ITPR2: variants seen among roughly 807,000 people sequenced by gnomAD.
ITPR2 encodes inositol 1,4,5-trisphosphate-gated calcium channel ITPR2.
Under a neutral mutation model 317.1 loss-of-function variants are expected in ITPR2, and 207 were observed. The ratio of observed to expected loss-of-function variants is 0.65; its 90% confidence interval spans 0.58 to 0.73. The LOEUF is 0.73. ITPR2 is among the 30% of genes least tolerant of loss of function. The probability of loss-of-function intolerance (pLI) is 0.00; values close to 1 mark genes in which losing one functional copy is unlikely to be tolerated. For missense variants in ITPR2, 2,613 were observed against 3,284.0 expected (o/e 0.80, Z 4.99); for synonymous variants, 1,156 against 1,149.1 (o/e 1.01, Z -0.12).
chr12:26,450,585 G>A (rs1941714158), intron 45 of ITPR2, among the ~76,000 whole-genome samples: 1 of 152,162 alleles, frequency 6.6e-6, no homozygotes, highest in South Asian at 2.1e-4. Context: ...TGTGGTCTCA[G>A]CCAGAAAATA....
chr12:26,655,152 A>T (rs1453539925), intron 20 of ITPR2, among the ~76,000 whole-genome samples: 11 of 152,124 alleles, frequency 7.2e-5, no homozygotes, highest in African/African-American at 2.4e-4. Context: ...CCATAGAGAT[A>T]AAAAAAAGTA....
intron 2 of ITPR2, among the ~76,000 whole-genome samples, chr12:26,787,451 A>G (rs2137204793): frequency 6.6e-6 from 1 of 152,366 alleles, no homozygotes; most frequent in African/African-American, 2.4e-5. Context: ...AGTGAATAAT[A>G]TGAGACCAAG....
rs182365818 is a variant in ITPR2, at chr12:26,534,452, C to T, written c.5073+15795G>A. Among the ~76,000 whole-genome samples, 4 of 152,164 alleles carry T rather than the reference C, an allele frequency of 2.6e-5. No homozygotes were observed. The East Asian group carries it at 7.7e-4, about 29-fold the overall frequency. On this transcript the variant is annotated intron_variant, in intron 37 of 56. Coordinates refer to ENST00000381340, the MANE Select transcript of ITPR2 (RefSeq NM_002223.4). ...AAGATGTAAAGAAATCTCTTCTATT[C>T]TAAATATAAATTTCACATGATCTAG...
intron 45 of ITPR2, among the ~76,000 whole-genome samples, chr12:26,463,095 A>G (rs773693999): frequency 2.0e-5 from 3 of 152,146 alleles, no homozygotes; most frequent in Non-Finnish European, 4.4e-5. Context: ...TAGTGATCTG[A>G]CCTAAGTATT....
chr12:26,694,578 T>A (rs1024530236), intron 10 of ITPR2, among the ~76,000 whole-genome samples: 2 of 152,148 alleles, frequency 1.3e-5, no homozygotes, highest in Admixed American at 1.3e-4. Flanking sequence ...ACCCATGTGT[T>A]CCTGATGGTC....
At chr12:26,800,767 G>T (rs550490531) in intron 1 of ITPR2, 2 of 152,334 alleles carry the variant, frequency 1.3e-5, no homozygotes, top group South Asian at 4.1e-4. Flanking sequence ...GGATAGAGAA[G>T]ATACAAAAGA....
At chr12:26,672,763 T>C (rs1947812320) in intron 13 of ITPR2, among the ~76,000 whole-genome samples, 4 of 151,952 alleles carry the variant, frequency 2.6e-5, no homozygotes, top group Admixed American at 2.6e-4. Context: ...ATCCAGGAGC[T>C]GGTTTTTTGA....
intron 37 of ITPR2, among the ~76,000 whole-genome samples, chr12:26,544,318 T>C (rs1262406227): frequency 1.3e-5 from 2 of 152,124 alleles, no homozygotes; most frequent in Admixed American, 6.6e-5. Context: ...AATTTAGAAA[T>C]TGTACTCAAG....
chr12:26,660,418 C>T (rs1290490245), intron 15 of ITPR2, among the ~76,000 whole-genome samples: 1 of 152,234 alleles, frequency 6.6e-6, no homozygotes, highest in Admixed American at 6.5e-5. Flanking sequence ...TGCCATGGGA[C>T]TGGTGAGCTT....
At chr12:26,531,736 A>G (rs758266046) in intron 37 of ITPR2, among the ~76,000 whole-genome samples, 1 of 152,114 alleles carries the variant, frequency 6.6e-6, no homozygotes, top group Non-Finnish European at 1.5e-5. Flanking sequence ...CAGTCAGTGA[A>G]GTACCCCACC....
chr12:26,653,383 AG>A (rs926589208), intron 21 of ITPR2, among the ~76,000 whole-genome samples: 2 of 151,754 alleles, frequency 1.3e-5, no homozygotes, highest in African/African-American at 4.8e-5. Flanking sequence ...CTGGAATTAC[AG>A]GCACACGCCA....
rs1022890487 is a variant in ITPR2, at chr12:26,338,603, C to A, written c.*794G>T. ...ATAGCATACATATGGTCTCAAAAAA[C>A]CCTTTCCTGGGGCTTACTGTTGGCT... On this transcript the variant is annotated 3_prime_UTR_variant, in exon 57 of 57. Transcript: ENST00000381340. 2 of 152,152 alleles carry A rather than the reference C, an allele frequency of 1.3e-5. 1 individual carries two copies. Among genetic ancestry groups the A allele is most frequent in the South Asian group, 4.1e-4 (2 of 4,828 alleles). 9.4% of individuals were successfully genotyped at this position (152,152 alleles called of 1,614,324 possible). A position where few individuals can be genotyped will look rare whatever the true frequency, so the allele number is the denominator to read the frequency against.
At chr12:26,602,800 A>G (rs1215350425) in intron 26 of ITPR2, 94 bp from the exon 27 acceptor site, 1 of 548,164 alleles carries the variant, frequency 1.8e-6, no homozygotes. Flanking sequence ...TTTTGTAATT[A>G]TTTTGTAATA....
intron 55 of ITPR2, among the ~76,000 whole-genome samples, chr12:26,369,845 G>A (rs1019695618): frequency 3.9e-5 from 6 of 152,100 alleles, no homozygotes; most frequent in Non-Finnish European, 4.4e-5. Flanking sequence ...GAGTACAAGG[G>A]GGCTGAGACT....
Position 26,432,209 on chromosome 12 carries a change from A to G in ITPR2, c.6769+4012T>C, listed in dbSNP as rs547237219. On this transcript the variant is annotated intron_variant, in intron 48 of 56. Transcript: ENST00000381340. ...TCCTTCTTCTGAACCAGGGTCACACATGGGATTCAGTTGTCACGTCTCTTT... is the reference window on the plus strand; with the variant it reads ...TCCTTCTTCTGAACCAGGGTCACACGTGGGATTCAGTTGTCACGTCTCTTT... 3.3e-5 allele frequency among the ~76,000 whole-genome samples: 5 copies of G among 150,942 alleles called. No individual in the cohort carries two copies. In the East Asian group the frequency reaches 9.7e-4, roughly 29 times the overall value.
At chr12:26,587,027 T>A (rs1214703041) in intron 32 of ITPR2, among the ~76,000 whole-genome samples, 3 of 151,498 alleles carry the variant, frequency 2.0e-5, no homozygotes, top group Non-Finnish European at 4.4e-5. Context: ...ATTAATATAT[T>A]ATATATGCAA....
intron 34 of ITPR2, among the ~76,000 whole-genome samples, chr12:26,568,056 T>C (rs1945061005): frequency 7.1e-6 from 1 of 141,842 alleles, no homozygotes; most frequent in Non-Finnish European, 1.5e-5. Flanking sequence ...TGAACTAGAA[T>C]GTATTCTTGG....
In ITPR2 at chr12:26,656,491, G is replaced by A. The variant is rs1947370667; in HGVS notation, c.2250C>T (p.Asn750=). 1 of 1,614,208 alleles carries A rather than the reference G, an allele frequency of 6.2e-7. No homozygotes were observed. ...CTACAGACAGCTGTGTAGAAATCTG[G>A]TTTATGGCCAGATACTGGCGATCCA... ...MCLDRQYLAI[N]QISTQLSVDL... is the part of the protein sequence containing the mutation. Residue 750 remains asparagine, a synonymous_variant, in exon 19 of 57, where the codon AAC becomes AAT. Transcript: ENST00000381340.
At chr12:26,509,811 A>T (rs1943283901) in intron 37 of ITPR2, among the ~76,000 whole-genome samples, 2 of 152,128 alleles carry the variant, frequency 1.3e-5, no homozygotes, top group South Asian at 2.1e-4. Flanking sequence ...GTTTCCATGG[A>T]TACCTCACAC....
Sources: gnomAD v4.1 joint callset for allele counts (sites outside exome capture counted in the v4.1 genomes callset) on GRCh38, gnomAD v4.1.1 for gene constraint, MANE v1.5 for transcripts, NCBI Gene and HGNC (gene_info 2026-07-23, HGNC 2026-07-21) for gene names.